RMDN1: variants seen among roughly 807,000 people sequenced by gnomAD.
The protein encoded by RMDN1 is regulator of microtubule dynamics 1.
In RMDN1, 48 loss-of-function variants were observed where a neutral mutation model predicts 48.9. That is an observed-to-expected ratio of 0.98 (90% CI 0.78 to 1.25). The LOEUF (loss-of-function observed/expected upper bound fraction) is 1.25, where lower values mean the gene tolerates loss of function less well. Ranked by LOEUF, RMDN1 falls within the 50% of genes most tolerant of loss-of-function variation. The pLI is 0.00. For missense variants in RMDN1, 418 were observed against 373.4 expected, an observed-to-expected ratio of 1.12 and a Z score of -0.98; for synonymous variants, 148 against 132.6, an observed-to-expected ratio of 1.12 and a Z score of -0.80.
intron 2 of RMDN1, among the ~76,000 whole-genome samples, chr8:86,506,378 G>A (rs1365325528): frequency 2.0e-5 from 3 of 152,058 alleles, no homozygotes; most frequent in East Asian, 1.9e-4. Context: ...TGCCTTTAGG[G>A]TCATGCCATG....
chr8:86,472,227 C>G, downstream of RMDN1: 2 of 592,662 alleles, frequency 3.4e-6, no homozygotes. Flanking sequence ...TTGAACATCC[C>G]TATTTCCAAA....
intron 5 of RMDN1, among the ~76,000 whole-genome samples, chr8:86,484,238 A>G (rs1815066960): frequency 6.6e-6 from 1 of 152,188 alleles, no homozygotes; most frequent in Non-Finnish European, 1.5e-5. Context: ...GCTATAATGA[A>G]GGTTGAGCTA....
At chr8:86,505,203 C>T in intron 2 of RMDN1, 2 of 732,638 alleles carry the variant, frequency 2.7e-6, no homozygotes, top group South Asian at 3.1e-5. Context: ...ACTCCATGCG[C>T]ACCTCAAGGC....
downstream of RMDN1, chr8:86,468,699 C>A: frequency 2.2e-6 from 1 of 456,222 alleles, no homozygotes; most frequent in Non-Finnish European, 4.4e-6. Context: ...GGTGAGGCTA[C>A]ACAGAACCCT....
intron 2 of RMDN1, among the ~76,000 whole-genome samples, chr8:86,497,339 T>A (rs1817530721): frequency 6.6e-6 from 1 of 152,018 alleles, no homozygotes; most frequent in African/African-American, 2.4e-5. Flanking sequence ...ACAAAAAAAA[T>A]CAATGAAACC....
intron 2 of RMDN1, among the ~76,000 whole-genome samples, chr8:86,496,557 C>T (rs1817377538): frequency 6.6e-6 from 1 of 152,080 alleles, no homozygotes; most frequent in Non-Finnish European, 1.5e-5. Flanking sequence ...AAGAACATTA[C>T]ACAAGGATAA....
chr8:86,480,225 C>T, intron 6 of RMDN1, 52 bp downstream of exon 6: 2 of 895,098 alleles, frequency 2.2e-6, no homozygotes, highest in South Asian at 3.6e-5. Flanking sequence ...TTTATACATA[C>T]TACAAAATAT....
chr8:86,470,386 A>T (rs1261891960), downstream of RMDN1: 2 of 1,286,676 alleles, frequency 1.6e-6, no homozygotes, highest in African/African-American at 1.5e-5. Flanking sequence ...TCACGGACCA[A>T]TGTGACACGT....
In RMDN1 at chr8:86,474,258, A is replaced by G. The variant is rs1385416625; in HGVS notation, c.*50T>C. ...TTCATATATTAAGTTTAGAATTAAA[A>G]GAAAAGGCAATGTTTATTAGCTATT... On this transcript the variant is annotated 3_prime_UTR_variant, in exon 10 of 10. Coordinates refer to ENST00000406452, the MANE Select transcript of RMDN1 (RefSeq NM_016033.3). 1 of 1,607,724 alleles carries G rather than the reference A, an allele frequency of 6.2e-7. No individual in the cohort carries two copies. Among genetic ancestry groups the G allele is most frequent in the African/African-American group, 1.3e-5 (1 of 74,504 alleles).
At chr8:86,478,489 C>T (rs1294711353) in intron 7 of RMDN1, 1 of 152,876 alleles carries the variant, frequency 6.5e-6, no homozygotes, top group Admixed American at 6.5e-5. Flanking sequence ...AGAATATGAA[C>T]CTTTCATATG....
intron 1 of RMDN1, among the ~76,000 whole-genome samples, chr8:86,507,415 AAT>A (rs1171745619): frequency 6.6e-6 from 1 of 152,226 alleles, no homozygotes; most frequent in African/African-American, 2.4e-5. Context: ...TATGAAGTAA[AAT>A]ATGAGACACC....
Position 86,472,410 on chromosome 8 carries a change from A to G in RMDN1, c.*1898T>C. On this transcript the variant is annotated 3_prime_UTR_variant, in exon 10 of 10. Transcript: ENST00000406452. ...AGGAAAAAACCCATTTTAAAAAGCC[A>G]TCCAGCAGAATGCCACATCCCTAGA... 1.4e-6 allele frequency: 1 copy of G among 702,468 alleles called. No homozygotes were observed. The highest frequency in any genetic ancestry group is 2.6e-6 in the Non-Finnish European group (1 of 384,966). The allele number at this position is 702,468 out of a possible 1,614,324, so 43.5% of individuals were successfully genotyped here. A position where few individuals can be genotyped will look rare whatever the true frequency, so the allele number is the denominator to read the frequency against.
intron 3 of RMDN1, among the ~76,000 whole-genome samples, chr8:86,487,768 T>G (rs1032808624): frequency 6.6e-6 from 1 of 152,010 alleles, no homozygotes; most frequent in African/African-American, 2.4e-5. Flanking sequence ...AAGTTATCAA[T>G]GAAATGACAA....
chr8:86,469,076 TTCTG>T (rs1476506837), downstream of RMDN1, among the ~76,000 whole-genome samples: 2 of 140,180 alleles, frequency 1.4e-5, no homozygotes, highest in Non-Finnish European at 3.0e-5. Context: ...CCCAATACAA[TTCTG>T]TCTGTTAGAT....
chr8:86,498,294 G>A (rs1449004254), intron 2 of RMDN1, among the ~76,000 whole-genome samples: 1 of 151,132 alleles, frequency 6.6e-6, no homozygotes, highest in Non-Finnish European at 1.5e-5. Flanking sequence ...AAAAGCCCTG[G>A]ACTAGATGGA....
chr8:86,484,122 T>C (rs751133067), intron 5 of RMDN1, among the ~76,000 whole-genome samples: 1 of 152,208 alleles, frequency 6.6e-6, no homozygotes, highest in African/African-American at 2.4e-5. Flanking sequence ...GTGACTTGTT[T>C]AGATTAACAG....
intron 2 of RMDN1, among the ~76,000 whole-genome samples, chr8:86,490,397 C>G (rs1202119746): frequency 6.6e-6 from 1 of 152,080 alleles, no homozygotes; most frequent in Non-Finnish European, 1.5e-5. Context: ...AAGAGGAAGG[C>G]AAAAGTCAGA....
chr8:86,478,659 CAG>C, intron 7 of RMDN1: 1 of 422,146 alleles, frequency 2.4e-6, no homozygotes, highest in East Asian at 4.6e-5. Flanking sequence ...AGATTTCAAA[CAG>C]AAAATGAAGG....
chr8:86,473,914 A>G lies in RMDN1; in HGVS notation c.*394T>C. 3 of 1,003,160 alleles carry G rather than the reference A, an allele frequency of 3.0e-6. No individual in the cohort carries two copies. The highest frequency in any genetic ancestry group is 3.6e-6 in the Non-Finnish European group (3 of 841,566). The allele number at this position is 1,003,160 out of a possible 1,614,324, so 62.1% of individuals were successfully genotyped here. A position where few individuals can be genotyped will look rare whatever the true frequency, so the allele number is the denominator to read the frequency against. On this transcript the variant is annotated 3_prime_UTR_variant, in exon 10 of 10. Transcript: ENST00000406452. Reference sequence around the variant, plus strand: ...CCACTGTCACCACACCTTCTCTTCAAGATTTCAACTTAGAATCAATCCAAT... The same window carrying G: ...CCACTGTCACCACACCTTCTCTTCAGGATTTCAACTTAGAATCAATCCAAT...
Sources: gnomAD v4.1 joint callset for allele counts (sites outside exome capture counted in the v4.1 genomes callset) on GRCh38, gnomAD v4.1.1 for gene constraint, MANE v1.5 for transcripts, NCBI Gene and HGNC (gene_info 2026-07-23, HGNC 2026-07-21) for gene names.